Variants in P2RY13 observed in about 807,000 individuals in gnomAD.
P2RY13 encodes the protein purinergic receptor P2Y13, also known as P2Y purinoceptor 13.
For synonymous variants in P2RY13, 150 were observed against 155.1 expected, an observed-to-expected ratio of 0.97 and a Z score of 0.24; for missense variants, 412 against 418.4, an observed-to-expected ratio of 0.98 and a Z score of 0.13.
At chr3:151,329,077 T>C in intron 1 of P2RY13, 70 bp from the exon 2 acceptor site, 1 of 1,150,726 alleles carries the variant, frequency 8.7e-7, no homozygotes, top group Non-Finnish European at 1.2e-6. Flanking sequence ...AATGCTATTT[T>C]TTAAAAACAG....
intron 1 of P2RY13, among the ~76,000 whole-genome samples, 160 bp from the exon 2 acceptor site, chr3:151,329,167 T>C (rs1231116731): frequency 6.6e-6 from 1 of 152,236 alleles, no homozygotes; most frequent in Non-Finnish European, 1.5e-5. Flanking sequence ...AATACTGTTT[T>C]CTGGCTAGAA....
intron 1 of P2RY13, among the ~76,000 whole-genome samples, 167 bp downstream of exon 1, chr3:151,329,314 T>C (rs1440342813): frequency 6.6e-6 from 1 of 152,216 alleles, no homozygotes; most frequent in Non-Finnish European, 1.5e-5. Flanking sequence ...GTTTAAGAGA[T>C]AATAATACAT....
chr3:151,328,294 T>A lies in P2RY13; in HGVS notation c.762A>T (p.Glu254Asp). ...CAGCCACGACAACAAATACTTTGCC[T>A]TCCAGCTTTTTGTTGTTTTTTCTGT... is the stretch of plus-strand genomic sequence containing the variant. ...SKDRKNNKKL[E>D]GKVFVVVAVF... The change falls in exon 2 of 2, where the codon GAA becomes GAT. Residue 254 changes from glutamate (E) to aspartate (D), a missense_variant. Coordinates refer to ENST00000325602, the MANE Select transcript of P2RY13 (RefSeq NM_176894.3). 1.2e-6 allele frequency: 2 copies of A among 1,613,988 alleles called. No homozygotes were observed. The highest frequency in any genetic ancestry group is 1.7e-6 in the Non-Finnish European group (2 of 1,179,926).
chr3:151,328,988 T>C lies in P2RY13; in HGVS notation c.68A>G (p.Asn23Ser). 1 of 1,600,034 alleles carries C rather than the reference T, an allele frequency of 6.2e-7. No homozygotes were observed. The highest frequency in any genetic ancestry group is 1.7e-4 in the Middle Eastern group (1 of 5,972). ...ILPKVTLEAM[N>S]TTVMQGFNRS... ...GTTGAAGCCTTGCATCACTGTGGTG[T>C]TCATTGCTTCCAGTGTCACCTGTTA... The change falls in exon 2 of 2, where the codon AAC (asparagine) becomes AGC (serine). Residue 23 changes from asparagine to serine, a missense_variant. Transcript: ENST00000325602.
chr3:151,328,507 G>C lies in P2RY13; in HGVS notation c.549C>G (p.Asn183Lys), dbSNP rs954752105. 6.2e-7 allele frequency: 1 copy of C among 1,613,994 alleles called. No homozygotes were observed. The highest frequency in any genetic ancestry group is 8.5e-7 in the Non-Finnish European group (1 of 1,179,938). ...TCACAGACGATGGTGTTGCTTCCTT[G>C]TTGCTCAAGATCGTATTTGGCAGGG... ...FISLPNTILS[N>K]KEATPSSVKK... Residue 183 changes from asparagine (N) to lysine (K), a missense_variant, in exon 2 of 2, where the codon AAC (asparagine) becomes AAG (lysine). Asn to Lys is a moderately conservative substitution (Grantham distance 94, BLOSUM62 0). Transcript: ENST00000325602.
In P2RY13 at chr3:151,328,358, T is replaced by G. The variant is rs773010566; in HGVS notation, c.698A>C (p.Lys233Thr). 2.7e-5 allele frequency: 43 copies of G among 1,613,000 alleles called. No homozygotes were observed. Among genetic ancestry groups the G allele is most frequent in the Non-Finnish European group, 3.2e-5 (38 of 1,179,678 alleles). Residue 233 changes from lysine (K) to threonine (T), a missense_variant, in exon 2 of 2, where the codon AAA (lysine) becomes ACA (threonine). Transcript: ENST00000325602. ...CTTTCTATAAGAATCATATACTTTT[T>G]TTGCAATAACCACATAAAACACAAG... ...LMLVFYVVIAKKVYDSYRKSK... is the reference protein window; with the variant it reads ...LMLVFYVVIATKVYDSYRKSK...
At position 151,328,729 on chromosome 3, in the gene P2RY13, C is replaced by G. The variant is rs1191323915; in HGVS notation, c.327G>C (p.Trp109Cys). 4.3e-6 allele frequency: 7 copies of G among 1,613,798 alleles called. No homozygotes were observed. Among genetic ancestry groups the G allele is most frequent in the African/African-American group, 1.3e-5 (1 of 74,848 alleles). ...KILSDSHLAP[W>C]QLRAFVCRFS... ...AACGACACACAAAAGCTCTGAGCTG[C>G]CAGGGTGCCAGGTGTGAGTCAGAGA... Residue 109 changes from tryptophan (W) to cysteine (C), a missense_variant, in exon 2 of 2, where the codon TGG becomes TGC. Coordinates refer to ENST00000325602, the MANE Select transcript of P2RY13 (RefSeq NM_176894.3).
Position 151,326,418 on chromosome 3 carries a change from A to G in P2RY13, c.*1573T>C, listed in dbSNP as rs1749601101. On this transcript the variant is annotated 3_prime_UTR_variant, in exon 2 of 2. Coordinates refer to ENST00000325602, the MANE Select transcript of P2RY13 (RefSeq NM_176894.3). ...ATACAAAGGTCAGGAAGTAATTACA[A>G]TGCAATGTGATAAGTTTAATAATAT... 1 of 152,666 alleles carries G rather than the reference A, an allele frequency of 6.6e-6. No homozygotes were observed. The highest frequency in any genetic ancestry group is 2.1e-4 in the South Asian group (1 of 4,830). 9.5% of individuals were successfully genotyped at this position (152,666 alleles called of 1,614,324 possible). A position where few individuals can be genotyped will look rare whatever the true frequency, so the allele number is the denominator to read the frequency against.
In P2RY13 at chr3:151,328,005, T is replaced by C; in HGVS notation, c.1051A>G (p.Ile351Val). ...ATGTACAGTTGTCAGCCTAAGGTTA[T>C]GTTGTCTGTCTGACTGCTATGATTT... Reference protein sequence around the residue: ...QENHSSQTDNITLG With the variant: ...QENHSSQTDNVTLG Residue 351 changes from isoleucine (I) to valine (V), a missense_variant, in exon 2 of 2, where the codon ATA (isoleucine) becomes GTA (valine). Ile to Val is a conservative substitution (Grantham distance 29, BLOSUM62 3). Coordinates refer to ENST00000325602, the MANE Select transcript of P2RY13 (RefSeq NM_176894.3). 6.4e-7 allele frequency: 1 copy of C among 1,572,652 alleles called. No homozygotes were observed. The highest frequency in any genetic ancestry group is 2.2e-5 in the East Asian group (1 of 44,720).
In P2RY13 at chr3:151,328,714, A is replaced by C. The variant is rs368981427; in HGVS notation, c.342T>G (p.Phe114Leu). The change falls in exon 2 of 2, where the codon TTT becomes TTG. Residue 114 changes from phenylalanine to leucine, a missense_variant. Phe to Leu is a conservative substitution (Grantham distance 22, BLOSUM62 0). Coordinates refer to ENST00000325602, the MANE Select transcript of P2RY13 (RefSeq NM_176894.3). ...SHLAPWQLRAFVCRFSSVIFY... is the reference protein window; with the variant it reads ...SHLAPWQLRALVCRFSSVIFY... Reference sequence around the variant, plus strand: ...ATATCACCGAAGAAAAACGACACACAAAAGCTCTGAGCTGCCAGGGTGCCA... The same window carrying C: ...ATATCACCGAAGAAAAACGACACACCAAAGCTCTGAGCTGCCAGGGTGCCA... The C allele has an allele frequency of 1.2e-4, 187 of 1,613,946 alleles. 1 individual carries two copies. The highest frequency in any genetic ancestry group is 9.9e-4 in the Middle Eastern group (6 of 6,084).
Position 151,329,507 on chromosome 3 carries a change from GTCT to G in P2RY13, c.19_21del (p.Arg7del), listed in dbSNP as rs1454876926. On this transcript the variant is annotated inframe_deletion, in exon 1 of 2. Transcript: ENST00000325602. ...TTTGGGAGGATACTCAGTTCTCTCT[GTCT>G]TCTTATGGCGGCAGTCATTAGTTCA... 4 of 1,547,984 alleles carry G rather than the reference GTCT, an allele frequency of 2.6e-6. No individual in the cohort carries two copies. Among genetic ancestry groups the G allele is most frequent in the Non-Finnish European group, 3.5e-6 (4 of 1,144,350 alleles).
In P2RY13 at chr3:151,326,611, G is replaced by C. The variant is rs1035477523; in HGVS notation, c.*1380C>G. ...TATACATGTGTGGTGCCAAAACAGA[G>C]TATGGCATTTTCTGAAAGTTAGAAA... On this transcript the variant is annotated 3_prime_UTR_variant, in exon 2 of 2. Coordinates refer to ENST00000325602, the MANE Select transcript of P2RY13 (RefSeq NM_176894.3). 6.6e-6 allele frequency: 1 copy of C among 152,146 alleles called. No individual in the cohort carries two copies. The highest frequency in any genetic ancestry group is 6.5e-5 in the Admixed American group (1 of 15,270). The allele number at this position is 152,146 out of a possible 1,614,324, so 9.4% of individuals were successfully genotyped here.
rs1262151050 is a variant in P2RY13, at chr3:151,326,510, A to G, written c.*1481T>C. 6.6e-6 allele frequency: 1 copy of G among 152,532 alleles called. No homozygotes were observed. The highest frequency in any genetic ancestry group is 1.5e-5 in the Non-Finnish European group (1 of 68,054). The allele number at this position is 152,532 out of a possible 1,614,324, so 9.4% of individuals were successfully genotyped here. On this transcript the variant is annotated 3_prime_UTR_variant, in exon 2 of 2. Transcript: ENST00000325602. ...GTGATGGTGGGATATTGGCCAGGTA[A>G]TATTTCATGGACCAAGTGATGACAA...
Position 151,328,818 on chromosome 3 carries a change from T to C in P2RY13, c.238A>G (p.Ile80Val). 6.2e-7 allele frequency: 1 copy of C among 1,613,852 alleles called. No individual in the cohort carries two copies. The highest frequency in any genetic ancestry group is 8.5e-7 in the Non-Finnish European group (1 of 1,179,890). The change falls in exon 2 of 2, where the codon ATC becomes GTC. Residue 80 changes from isoleucine (I) to valine (V), a missense_variant. By Grantham distance (29) the Ile-to-Val change is conservative. Coordinates refer to ENST00000325602, the MANE Select transcript of P2RY13 (RefSeq NM_176894.3). ...VHIPSSSTFI[I>V]YLKNTLVADL... ...GCCACCAAAGTGTTTTTGAGGTAGA[T>C]GATGAAGGTGGAGGAGCTGGGGATG...
In P2RY13 at chr3:151,328,307, T is replaced by A; in HGVS notation, c.749A>T (p.Asn250Ile). The change falls in exon 2 of 2, where the codon AAC becomes ATC. Residue 250 changes from asparagine (N) to isoleucine (I), a missense_variant. Transcript: ENST00000325602. ...AAATACTTTGCCTTCCAGCTTTTTG[T>A]TGTTTTTTCTGTCCTTACTTTTGGA... ...RKSKSKDRKN[N>I]KKLEGKVFVV... 1 of 1,613,968 alleles carries A rather than the reference T, an allele frequency of 6.2e-7. No individual in the cohort carries two copies.
chr3:151,327,489 C>A lies in P2RY13; in HGVS notation c.*502G>T, dbSNP rs1329005589. On this transcript the variant is annotated 3_prime_UTR_variant, in exon 2 of 2. Coordinates refer to ENST00000325602, the MANE Select transcript of P2RY13 (RefSeq NM_176894.3). ...TTTCAGAGGTCTTGCTGACCCACTT[C>A]AGTTCCTCAGACTCTTCAAGTCTGC... 1.3e-5 allele frequency: 2 copies of A among 152,090 alleles called. No individual in the cohort carries two copies. The highest frequency in any genetic ancestry group is 4.8e-5 in the African/African-American group (2 of 41,406). The allele number at this position is 152,090 out of a possible 1,614,324, so 9.4% of individuals were successfully genotyped here.
At chr3:151,329,131 C>T (rs1750053014) in intron 1 of P2RY13, 124 bp from the exon 2 acceptor site, 3 of 677,788 alleles carry the variant, frequency 4.4e-6, no homozygotes, top group Admixed American at 6.6e-5. Flanking sequence ...TTATCCAACA[C>T]TTTCAATAGA....
In P2RY13 at chr3:151,326,730, A is replaced by G. The variant is rs1190446028; in HGVS notation, c.*1261T>C. 1 of 152,232 alleles carries G rather than the reference A, an allele frequency of 6.6e-6. No individual in the cohort carries two copies. The highest frequency in any genetic ancestry group is 1.5e-5 in the Non-Finnish European group (1 of 68,040). 9.4% of individuals were successfully genotyped at this position (152,232 alleles called of 1,614,324 possible). The stretch of plus-strand genomic sequence containing the variant: ...GTTCTAGGGCCTTTGAGGCCATGGA[A>G]GAAAACGTGGGCTTCACCCTACGAT... On this transcript the variant is annotated 3_prime_UTR_variant, in exon 2 of 2. Coordinates refer to ENST00000325602, the MANE Select transcript of P2RY13 (RefSeq NM_176894.3).
rs142736005 is a variant in P2RY13 at position 151,328,621 on chromosome 3, G to A, written c.435C>T (p.Ile145=). 215 of 1,613,738 alleles carry A rather than the reference G, an allele frequency of 1.3e-4. No individual in the cohort carries two copies. The highest frequency in any genetic ancestry group is 8.5e-4 in the African/African-American group (64 of 74,944). The part of the protein sequence containing the change: ...GLIAFDRFLK[I]IRPLRNIFLK... ...GAAAAATATTTCTCAAAGGTCTGATGATCTTGAGGAATCTGTCAAAGGCTA... is the reference window on the plus strand; with the variant it reads ...GAAAAATATTTCTCAAAGGTCTGATAATCTTGAGGAATCTGTCAAAGGCTA... The change falls in exon 2 of 2, where the codon ATC becomes ATT. Residue 145 remains isoleucine (I), a synonymous_variant. Transcript: ENST00000325602.
Sources: gnomAD v4.1 joint callset for allele counts (sites outside exome capture counted in the v4.1 genomes callset) on GRCh38, gnomAD v4.1.1 for gene constraint, MANE v1.5 for transcripts, NCBI Gene and HGNC (gene_info 2026-07-23, HGNC 2026-07-21) for gene names.